FRMD4B: variants seen among roughly 807,000 people sequenced by gnomAD.
FRMD4B encodes the protein FERM domain containing 4B, also known as FERM domain-containing protein 4B.
Under a neutral mutation model 141.5 loss-of-function variants are expected in FRMD4B, and 74 were observed. That is an observed-to-expected ratio of 0.52 (90% CI 0.43 to 0.63). FRMD4B has a LOEUF of 0.63. Among genes scored for constraint, FRMD4B ranks in the 30% least tolerant of loss-of-function variants. The pLI, the probability that FRMD4B is intolerant of heterozygous loss-of-function variation, is 0.00. For missense variants in FRMD4B, 1,366 were observed against 1,253.4 expected, an observed-to-expected ratio of 1.09 and a Z score of -1.36; for synonymous variants, 506 against 467.9, an observed-to-expected ratio of 1.08 and a Z score of -1.05.
chr3:69,480,168 C>T (rs9825099), intron 1 of FRMD4B, among the ~76,000 whole-genome samples: 29,083 of 151,426 alleles, frequency 0.19, 3,163 homozygotes, highest in African/African-American at 0.35. Context: ...TCCTGTAGCT[C>T]GGAGTAGTTT....
chr3:69,534,949 T>C (rs2107165448), intron 1 of FRMD4B, among the ~76,000 whole-genome samples: 1 of 150,780 alleles, frequency 6.6e-6, no homozygotes, highest in South Asian at 2.1e-4. Context: ...AATTATTATT[T>C]TTTCCTAGCC....
At chr3:69,208,867 C>T (rs1042571009) in intron 11 of FRMD4B, among the ~76,000 whole-genome samples, 2 of 152,078 alleles carry the variant, frequency 1.3e-5, no homozygotes, top group Non-Finnish European at 2.9e-5. Flanking sequence ...TGAGTTATGC[C>T]AGGCGCGGTG....
At chr3:69,374,592 C>T (rs887924914) in intron 1 of FRMD4B, among the ~76,000 whole-genome samples, 5 of 152,138 alleles carry the variant, frequency 3.3e-5, no homozygotes, top group African/African-American at 9.7e-5. Flanking sequence ...ATGAGGATAT[C>T]GAGTTCTTAG....
chr3:69,511,460 A>G (rs1706685600), intron 1 of FRMD4B, among the ~76,000 whole-genome samples: 1 of 152,184 alleles, frequency 6.6e-6, no homozygotes, highest in Admixed American at 6.5e-5. Flanking sequence ...CCATGCCTAT[A>G]TAATCACACA....
chr3:69,460,846 G>A (rs1176191765), intron 1 of FRMD4B, among the ~76,000 whole-genome samples: 1 of 152,190 alleles, frequency 6.6e-6, no homozygotes, highest in East Asian at 1.9e-4. Flanking sequence ...GACTTCAGCA[G>A]CAGAGATGTT....
At chr3:69,417,958 G>C (rs2106799032) in intron 2 of FRMD4B, among the ~76,000 whole-genome samples, 1 of 152,200 alleles carries the variant, frequency 6.6e-6, no homozygotes, top group Non-Finnish European at 1.5e-5. Context: ...TTTCTCCTCT[G>C]TGTGTCTCTC....
At chr3:69,349,905 T>C (rs1384957964) in intron 1 of FRMD4B, among the ~76,000 whole-genome samples, 1 of 152,122 alleles carries the variant, frequency 6.6e-6, no homozygotes, top group Non-Finnish European at 1.5e-5. Context: ...ATTCAGGACA[T>C]AGGCATGGGC....
chr3:69,178,159 C>T (rs2092668837), intron 21 of FRMD4B, among the ~76,000 whole-genome samples: 1 of 152,220 alleles, frequency 6.6e-6, no homozygotes, highest in South Asian at 2.1e-4. Flanking sequence ...GACTCAAAAA[C>T]CAGCACTGCC....
At chr3:69,386,630 G>A (rs907649923), upstream of FRMD4B, among the ~76,000 whole-genome samples, 26 of 152,068 alleles carry the variant, frequency 1.7e-4, no homozygotes, top group African/African-American at 6.3e-4. Flanking sequence ...GAATAGCCAC[G>A]AATGTTTCCT....
intron 1 of FRMD4B, among the ~76,000 whole-genome samples, chr3:69,532,224 T>C (rs1404301379): frequency 6.6e-6 from 1 of 152,236 alleles, no homozygotes; most frequent in Admixed American, 6.5e-5. Context: ...AGCCACACTC[T>C]CTTAATGTTT....
chr3:69,181,764 A>C (rs141409273), intron 20 of FRMD4B, 54 bp from the exon 21 acceptor site: 1 of 1,094,196 alleles, frequency 9.1e-7, no homozygotes, highest in Non-Finnish European at 1.3e-6. Flanking sequence ...GGAGGACCCA[A>C]ATAAGAAAAA....
intron 14 of FRMD4B, among the ~76,000 whole-genome samples, chr3:69,195,992 A>C (rs2092899849): frequency 6.6e-6 from 1 of 152,174 alleles, no homozygotes; most frequent in Non-Finnish European, 1.5e-5. Flanking sequence ...GCTGCTGTGG[A>C]AAATGTTCTT....
At chr3:69,310,611 G>T in intron 3 of FRMD4B, 2 of 287,790 alleles carry the variant, frequency 6.9e-6, no homozygotes, top group Non-Finnish European at 1.4e-5. Flanking sequence ...GAGAGAGAGA[G>T]AAAAGAGCTA....
At chr3:69,494,914 G>C (rs540311746) in intron 1 of FRMD4B, among the ~76,000 whole-genome samples, 1 of 148,908 alleles carries the variant, frequency 6.7e-6, no homozygotes, top group South Asian at 2.2e-4. Context: ...GAAAGGAAAG[G>C]AAAGGAAGGG....
chr3:69,293,448 C>T (rs1700937475), intron 4 of FRMD4B, among the ~76,000 whole-genome samples: 1 of 115,308 alleles, frequency 8.7e-6, no homozygotes, highest in Non-Finnish European at 2.0e-5. Flanking sequence ...CTTAACATAG[C>T]AGGTGGCATG....
chr3:69,296,744 A>G (rs4855304), intron 4 of FRMD4B, among the ~76,000 whole-genome samples: 91,250 of 151,930 alleles, frequency 0.6, 27,516 homozygotes, highest in Admixed American at 0.61. Context: ...ATCACCTACC[A>G]TCTGATGGCT....
intron 7 of FRMD4B, among the ~76,000 whole-genome samples, chr3:69,237,394 G>C: frequency 6.6e-6 from 1 of 152,248 alleles, no homozygotes; most frequent in East Asian, 1.9e-4. Flanking sequence ...GCTATTTACA[G>C]AGTGAAAAGT....
chr3:69,294,723 C>A (rs1011571541), intron 4 of FRMD4B, among the ~76,000 whole-genome samples: 4 of 152,128 alleles, frequency 2.6e-5, no homozygotes, highest in African/African-American at 9.7e-5. Context: ...GAGTCTTCTC[C>A]CCTAGGCAAC....
chr3:69,333,807 G>A (rs1702455804), intron 1 of FRMD4B, among the ~76,000 whole-genome samples: 1 of 152,152 alleles, frequency 6.6e-6, no homozygotes, highest in South Asian at 2.1e-4. Context: ...CTCTGTGCCA[G>A]GCTCTTGAGG....
Sources: allele counts gnomAD v4.1 joint callset (sites outside exome capture counted in the v4.1 genomes callset), GRCh38; gene constraint gnomAD v4.1.1; transcripts MANE v1.5; gene names NCBI Gene and HGNC (gene_info 2026-07-23, HGNC 2026-07-21).